The following BAIAP2 variants were observed in gnomAD, a reference collection of about 807,000 sequenced individuals.
BAIAP2 encodes the protein BAR/IMD domain containing adaptor protein 2, also known as BAR/IMD domain-containing adapter protein 2.
Under a neutral mutation model 63.0 loss-of-function variants are expected in BAIAP2, and 18 were observed. The observed-to-expected ratio is 0.29, with a 90% CI of 0.20 to 0.42. The LOEUF (loss-of-function observed/expected upper bound fraction) is 0.42, where lower values mean the gene tolerates loss of function less well. BAIAP2 is among the 10% of genes least tolerant of loss of function. The pLI is 1.00. For missense variants in BAIAP2, 610 were observed against 734.3 expected (o/e 0.83, Z 1.96); for synonymous variants, 386 against 307.6 (o/e 1.25, Z -2.67).
At chr17:81,097,156 A>G (rs1473173171) in intron 6 of BAIAP2, among the ~76,000 whole-genome samples, 3 of 152,204 alleles carry the variant, frequency 2.0e-5, no homozygotes, top group African/African-American at 7.2e-5. Context: ...GCCAGGCCCT[A>G]CAGCGCCTCT....
chr17:81,071,616 C>T (rs1301133542), intron 3 of BAIAP2, among the ~76,000 whole-genome samples: 3 of 152,240 alleles, frequency 2.0e-5, no homozygotes, highest in African/African-American at 7.2e-5. Context: ...GTTTCTGTGC[C>T]CTCAGTGTCC....
chr17:81,085,106 G>T, intron 4 of BAIAP2: 1 of 595,724 alleles, frequency 1.7e-6, no homozygotes, highest in Non-Finnish European at 3.0e-6. Flanking sequence ...TGTTTCACTG[G>T]CTGCAGTGGC....
chr17:81,039,001 C>T (rs948760970), intron 1 of BAIAP2, among the ~76,000 whole-genome samples: 8 of 152,176 alleles, frequency 5.3e-5, no homozygotes, highest in Middle Eastern at 3.4e-3. Context: ...TGTGTGCACA[C>T]GTGCATGCAG....
intron 13 of BAIAP2, chr17:81,110,017 C>T: frequency 1.0e-6 from 1 of 985,466 alleles, no homozygotes; most frequent in Non-Finnish European, 1.2e-6. Context: ...GTCTTGGTGA[C>T]TTTAGAAACA....
chr17:81,075,487 A>G (rs1040014455), intron 3 of BAIAP2, among the ~76,000 whole-genome samples: 5 of 152,170 alleles, frequency 3.3e-5, no homozygotes, highest in Non-Finnish European at 5.9e-5. Context: ...GGCCGCTTGC[A>G]TGCCGTGCTG....
At chr17:81,109,139 A>ACCCCAGACTCTGTGATC (rs2059562929) in intron 13 of BAIAP2, 1 of 1,444,934 alleles carries the variant, frequency 6.9e-7, no homozygotes, top group East Asian at 2.5e-5. Flanking sequence ...TTGGTTGGTG[A>ACCCCAGACTCTGTGATC]CCCCAGACTC....
At chr17:81,103,003 C>T (rs148972275) in intron 7 of BAIAP2, among the ~76,000 whole-genome samples, 25 of 152,344 alleles carry the variant, frequency 1.6e-4, no homozygotes, top group African/African-American at 2.9e-4. Flanking sequence ...CCGCAGAGTA[C>T]GCCCGAGGGA....
intron 13 of BAIAP2, chr17:81,109,372 T>TAAAAAAAAAAAAAAA (rs747875777): frequency 6.0e-5 from 53 of 890,544 alleles, no homozygotes; most frequent in African/African-American, 1.7e-4. Flanking sequence ...AGAAAAATCT[T>TAAAAAAAAAAAAAAA]AAAAAAAAAA....
intron 13 of BAIAP2, chr17:81,109,935 C>G (rs915750748): frequency 4.4e-5 from 43 of 985,332 alleles, no homozygotes; most frequent in Admixed American, 6.1e-5. Flanking sequence ...GCACGCCGCA[C>G]CCACGCCCCC....
intron 2 of BAIAP2, 41 bp downstream of exon 2, chr17:81,053,784 C>T (rs2049038785): frequency 6.2e-7 from 1 of 1,601,946 alleles, no homozygotes. Context: ...GAGCTGCCTC[C>T]TGAGCTGGTA....
chr17:81,079,896 G>A (rs1044060833), intron 3 of BAIAP2, among the ~76,000 whole-genome samples: 1 of 152,200 alleles, frequency 6.6e-6, no homozygotes, highest in African/African-American at 2.4e-5. Flanking sequence ...TCCCTCAGCA[G>A]GGTGGGCCTG....
chr17:81,097,794 G>A, intron 6 of BAIAP2: 1 of 255,310 alleles, frequency 3.9e-6, no homozygotes, highest in Non-Finnish European at 7.4e-6. Context: ...CTAGCCTCCT[G>A]CGGCCTCCCA....
rs559521800 is a variant in BAIAP2 at position 81,115,968 on chromosome 17, G to A, written c.*129G>A. The A allele has an allele frequency of 8.5e-5, 128 of 1,511,568 alleles. No homozygotes were observed. Among genetic ancestry groups the A allele is most frequent in the Non-Finnish European group, 1.1e-4 (120 of 1,130,210 alleles). 93.6% of individuals were successfully genotyped at this position (1,511,568 alleles called of 1,614,324 possible). A position where few individuals can be genotyped will look rare whatever the true frequency, so the allele number is the denominator to read the frequency against. On this transcript the variant is annotated 3_prime_UTR_variant, in exon 14 of 14. Coordinates refer to ENST00000428708, the MANE Select transcript of BAIAP2 (RefSeq NM_001144888.2). ...CCGGCTGCCTGGTCTTGCCCCACTT[G>A]AGTCTGGCCTGGACTGGATCCCAGC...
At chr17:81,055,569 G>GGTTTTTTTT (rs138656369) in intron 2 of BAIAP2, among the ~76,000 whole-genome samples, 45 of 94,116 alleles carry the variant, frequency 4.8e-4, no homozygotes, top group Admixed American at 6.0e-4. Context: ...TCTGCAGGGT[G>GGTTTTTTTT]TTTTGTTTTT....
chr17:81,071,863 C>T (rs905760460), intron 3 of BAIAP2, among the ~76,000 whole-genome samples: 16 of 152,244 alleles, frequency 1.1e-4, no homozygotes, highest in Non-Finnish European at 1.9e-4. Flanking sequence ...TGTGGGTGGC[C>T]GGTCCCCTCC....
intron 3 of BAIAP2, among the ~76,000 whole-genome samples, chr17:81,077,107 A>T (rs774800814): frequency 6.6e-6 from 1 of 152,238 alleles, no homozygotes; most frequent in African/African-American, 2.4e-5. Flanking sequence ...AGGCCGCTCC[A>T]CAGAGATGCC....
intron 2 of BAIAP2, among the ~76,000 whole-genome samples, chr17:81,056,699 C>G (rs1481837072): frequency 6.6e-6 from 1 of 152,244 alleles, no homozygotes; most frequent in Non-Finnish European, 1.5e-5. Flanking sequence ...AGCTTTACTT[C>G]CTGCTCCTGC....
At chr17:81,037,809 G>A (rs1304986880) in intron 1 of BAIAP2, among the ~76,000 whole-genome samples, 2 of 152,276 alleles carry the variant, frequency 1.3e-5, no homozygotes, top group African/African-American at 2.4e-5. Flanking sequence ...TCTGAGTGGT[G>A]TTTGCCTTGG....
At chr17:81,097,114 G>A (rs1027575661) in intron 6 of BAIAP2, among the ~76,000 whole-genome samples, 2 of 152,204 alleles carry the variant, frequency 1.3e-5, no homozygotes, top group Non-Finnish European at 2.9e-5. Context: ...CTTCCTAAAT[G>A]CCATCTCAGG....
Sources: allele counts gnomAD v4.1 joint callset (sites outside exome capture counted in the v4.1 genomes callset), GRCh38; gene constraint gnomAD v4.1.1; transcripts MANE v1.5; gene names NCBI Gene and HGNC (gene_info 2026-07-23, HGNC 2026-07-21).